Variants in MMRN1 observed in about 807,000 individuals in gnomAD.
The protein encoded by MMRN1 is multimerin 1.
A neutral mutation model predicts 100.7 loss-of-function variants in MMRN1; 94 were observed. The ratio of observed to expected loss-of-function variants is 0.93; its 90% CI spans 0.79 to 1.11. The LOEUF (loss-of-function observed/expected upper bound fraction) is 1.11, where lower values mean the gene tolerates loss of function less well. MMRN1 is among the 50% of genes least tolerant of loss of function. The pLI, the probability that MMRN1 is intolerant of heterozygous loss-of-function variation, is 0.00. For missense variants in MMRN1, 1,606 were observed against 1,439.1 expected (o/e 1.12, Z -1.88); for synonymous variants, 575 against 505.0 (o/e 1.14, Z -1.86).
At chr4:89,917,752 T>A (rs529525276) in intron 3 of MMRN1, among the ~76,000 whole-genome samples, 4 of 151,824 alleles carry the variant, frequency 2.6e-5, no homozygotes, top group Non-Finnish European at 5.9e-5. Flanking sequence ...AGATTTAGAG[T>A]CACTGGGTGA....
intron 1 of MMRN1, among the ~76,000 whole-genome samples, chr4:89,906,769 T>A (rs768042276): frequency 4.6e-5 from 7 of 151,504 alleles, no homozygotes; most frequent in Non-Finnish European, 1.0e-4. Flanking sequence ...CACCAGGGGC[T>A]CTTTTGCTGT....
At chr4:89,923,669 TTGCTTAATGGGTA>T (rs1722159348) in intron 4 of MMRN1, among the ~76,000 whole-genome samples, 1 of 152,164 alleles carries the variant, frequency 6.6e-6, no homozygotes, top group South Asian at 2.1e-4. Flanking sequence ...TAATAAGAGG[TTGCTTAATGGGTA>T]CTGATCCCTA....
rs1242551571 is a variant in MMRN1, at chr4:89,935,731, C to T, written c.2051C>T (p.Ala684Val). The T allele has an allele frequency of 3.1e-6, 5 of 1,611,368 alleles. No homozygotes were observed. Among genetic ancestry groups the T allele is most frequent in the African/African-American group, 2.7e-5 (2 of 74,728 alleles). Residue 684 changes from alanine to valine, a missense_variant, in exon 6 of 8, where the codon GCT (alanine) becomes GTT (valine). Transcript: ENST00000264790. The stretch of plus-strand genomic sequence containing the variant: ...AAAAAGATAGAAAATCTGACTAGTG[C>T]TGTCAATAGTCTAAATTTTATTATC... ...IRKKIENLTS[A>V]VNSLNFIIKE...
chr4:89,908,209 C>T (rs114663070), intron 1 of MMRN1, among the ~76,000 whole-genome samples: 14 of 151,478 alleles, frequency 9.2e-5, no homozygotes, highest in Non-Finnish European at 1.8e-4. Context: ...GAGCTAACAT[C>T]ACATATTTTC....
chr4:89,887,054 A>G (rs1008596038), intron 1 of MMRN1, among the ~76,000 whole-genome samples: 12 of 152,064 alleles, frequency 7.9e-5, no homozygotes, highest in Admixed American at 7.2e-4. Flanking sequence ...TCTACTCTCT[A>G]CCTCCATGAG....
chr4:89,950,392 T>C (rs926949203), intron 6 of MMRN1, among the ~76,000 whole-genome samples: 1 of 152,194 alleles, frequency 6.6e-6, no homozygotes, highest in African/African-American at 2.4e-5. Flanking sequence ...AATTAACCTT[T>C]TTAATACTGA....
chr4:89,936,285 G>C lies in MMRN1; in HGVS notation c.2605G>C (p.Val869Leu). 2 of 1,611,508 alleles carry C rather than the reference G, an allele frequency of 1.2e-6. No homozygotes were observed. The highest frequency in any genetic ancestry group is 1.7e-6 in the Non-Finnish European group (2 of 1,179,248). ...ETRLQDIESK[V>L]TQTLIPYYIS... ...TCGGTTGCAAGACATTGAGTCTAAA[G>C]TTACCCAGACGCTCATACCTTATTA... is the stretch of plus-strand genomic sequence containing the variant. The change falls in exon 6 of 8, where the codon GTT (valine) becomes CTT (leucine). Residue 869 changes from valine (V) to leucine (L), a missense_variant. Physicochemically the swap from Val to Leu is conservative, Grantham distance 32. Coordinates refer to ENST00000264790, the MANE Select transcript of MMRN1 (RefSeq NM_007351.3).
chr4:89,949,792 A>G (rs927351410), intron 6 of MMRN1, among the ~76,000 whole-genome samples: 4 of 152,246 alleles, frequency 2.6e-5, no homozygotes, highest in African/African-American at 4.8e-5. Flanking sequence ...TAATACAGGC[A>G]TGCCGTTTGT....
At chr4:89,929,650 A>T (rs1722375180) in intron 5 of MMRN1, among the ~76,000 whole-genome samples, 1 of 152,162 alleles carries the variant, frequency 6.6e-6, no homozygotes. Context: ...GCACTGACAC[A>T]GGAGAAAAAT....
rs1361007271 is a variant in MMRN1, at chr4:89,944,143, C to G, written c.3118+7345C>G. Reference sequence around the variant, plus strand: ...AAGAAACAACATACCACAGCATATTCTAACTATTTATCTAACTTGTATTCA... The same window carrying G: ...AAGAAACAACATACCACAGCATATTGTAACTATTTATCTAACTTGTATTCA... On this transcript the variant is annotated intron_variant, in intron 6 of 7. Coordinates refer to ENST00000264790, the MANE Select transcript of MMRN1 (RefSeq NM_007351.3). Among the ~76,000 whole-genome samples, 3 of 152,272 alleles carry G rather than the reference C, an allele frequency of 2.0e-5. No individual in the cohort carries two copies. In the East Asian group the frequency reaches 5.8e-4, roughly 29 times the overall value.
intron 6 of MMRN1, among the ~76,000 whole-genome samples, chr4:89,937,731 C>A (rs529114499): frequency 6.6e-5 from 10 of 152,120 alleles, no homozygotes; most frequent in Non-Finnish European, 1.0e-4. Flanking sequence ...CTGTTCACAG[C>A]CTTAATGCAT....
chr4:89,897,014 G>A (rs568684083), intron 1 of MMRN1, among the ~76,000 whole-genome samples: 6 of 151,958 alleles, frequency 3.9e-5, no homozygotes, highest in Non-Finnish European at 5.9e-5. Flanking sequence ...TTCTCACTTT[G>A]GGGGACAACA....
chr4:89,903,343 C>T (rs999095794), intron 1 of MMRN1, among the ~76,000 whole-genome samples: 12 of 150,694 alleles, frequency 8.0e-5, no homozygotes, highest in Non-Finnish European at 1.6e-4. Context: ...ACTGTAGAGA[C>T]ATTCTGAAAG....
intron 3 of MMRN1, among the ~76,000 whole-genome samples, chr4:89,916,187 A>G (rs547230944): frequency 6.3e-4 from 95 of 151,740 alleles, no homozygotes; most frequent in African/African-American, 2.1e-3. Flanking sequence ...GAAAGATAAC[A>G]TAAACTATTG....
intron 3 of MMRN1, among the ~76,000 whole-genome samples, chr4:89,917,711 C>G (rs1024240410): frequency 6.6e-6 from 1 of 151,728 alleles, no homozygotes; most frequent in East Asian, 1.9e-4. Flanking sequence ...TATAGGGAAC[C>G]CTCTCAACCT....
intron 5 of MMRN1, among the ~76,000 whole-genome samples, chr4:89,931,444 T>C (rs1175628744): frequency 2.0e-5 from 3 of 152,156 alleles, no homozygotes; most frequent in Admixed American, 6.5e-5. Context: ...TTGATGGCAA[T>C]ATCCCATTGT....
Position 89,935,763 on chromosome 4 carries a change from C to A in MMRN1, c.2083C>A (p.Leu695Ile), listed in dbSNP as rs1403537011. 1.2e-6 allele frequency: 2 copies of A among 1,611,914 alleles called. No homozygotes were observed. The highest frequency in any genetic ancestry group is 2.2e-5 in the South Asian group (2 of 90,578). ...VNSLNFIIKE[L>I]TKRHNLLRNE... The stretch of plus-strand genomic sequence containing the variant: ...TAGTCTAAATTTTATTATCAAAGAA[C>A]TTACAAAAAGACACAACTTACTTAG... The change falls in exon 6 of 8, where the codon CTT becomes ATT. Residue 695 changes from leucine to isoleucine, a missense_variant. Physicochemically the swap from Leu to Ile is conservative, Grantham distance 5. Transcript: ENST00000264790.
intron 6 of MMRN1, among the ~76,000 whole-genome samples, chr4:89,942,820 A>C (rs1293349496): frequency 6.6e-6 from 1 of 152,208 alleles, no homozygotes; most frequent in African/African-American, 2.4e-5. Context: ...ATGTTGTGCC[A>C]GAATGATAAA....
intron 5 of MMRN1, among the ~76,000 whole-genome samples, chr4:89,929,898 G>C (rs1722383289): frequency 6.6e-6 from 1 of 152,134 alleles, no homozygotes; most frequent in African/African-American, 2.4e-5. Context: ...TCTGACAGTA[G>C]CCATAGAAAC....
Sources: allele counts gnomAD v4.1 joint callset (sites outside exome capture counted in the v4.1 genomes callset), GRCh38; gene constraint gnomAD v4.1.1; transcripts MANE v1.5; gene names NCBI Gene and HGNC (gene_info 2026-07-23, HGNC 2026-07-21).